Variants in CREB3L3 observed in about 807,000 individuals in gnomAD.
CREB3L3 encodes the protein cAMP responsive element binding protein 3 like 3, also known as cyclic AMP-responsive element-binding protein 3-like protein 3.
CREB3L3 carries 40 observed loss-of-function variants against 44.6 expected under a neutral mutation model. The ratio of observed to expected loss-of-function variants is 0.90; its 90% confidence interval spans 0.70 to 1.17. The LOEUF is 1.17. Among genes scored for constraint, CREB3L3 ranks in the 50% most tolerant of loss-of-function variants. CREB3L3 has a pLI of 0.00. For missense variants in CREB3L3, 578 were observed against 595.8 expected (o/e 0.97, Z 0.31); for synonymous variants, 273 against 256.3 (o/e 1.06, Z -0.62).
At chr19:4,164,229 T>C (rs749197604) in intron 4 of CREB3L3, among the ~76,000 whole-genome samples, 1 of 152,030 alleles carries the variant, frequency 6.6e-6, no homozygotes, top group South Asian at 2.1e-4. Context: ...CACCTCGGCC[T>C]CCCAAAGTGC....
At chr19:4,163,599 G>C (rs1038701733) in intron 4 of CREB3L3, among the ~76,000 whole-genome samples, 5 of 152,034 alleles carry the variant, frequency 3.3e-5, no homozygotes, top group Non-Finnish European at 7.4e-5. Context: ...TGCAACCCCT[G>C]CCTCCCGGGT....
intron 3 of CREB3L3, 148 bp from the exon 4 acceptor site, chr19:4,159,516 C>A (rs958889877): frequency 1.5e-6 from 1 of 677,854 alleles, no homozygotes; most frequent in Non-Finnish European, 2.7e-6. Context: ...TCAACTCAGG[C>A]CTTGGGGACT....
intron 1 of CREB3L3, 55 bp downstream of exon 1, chr19:4,153,829 C>G: frequency 6.3e-7 from 1 of 1,594,676 alleles, no homozygotes; most frequent in Non-Finnish European, 8.6e-7. Flanking sequence ...GAAAGCCTAC[C>G]CAAGCTGCCA....
At chr19:4,159,181 C>T (rs1599333703) in intron 3 of CREB3L3, among the ~76,000 whole-genome samples, 1 of 149,994 alleles carries the variant, frequency 6.7e-6, no homozygotes, top group East Asian at 2.0e-4. Context: ...GATGGAGTCT[C>T]GCTGTGTCAC....
chr19:4,157,380 G>C, intron 3 of CREB3L3, 85 bp downstream of exon 3: 2 of 1,476,888 alleles, frequency 1.4e-6, no homozygotes, highest in Admixed American at 3.4e-5. Flanking sequence ...CCCAGAGAGG[G>C]CTGGCATCTT....
intron 6 of CREB3L3, among the ~76,000 whole-genome samples, chr19:4,168,731 A>G (rs1364066204): frequency 6.6e-6 from 1 of 152,030 alleles, no homozygotes; most frequent in African/African-American, 2.4e-5. Context: ...CTGAAGATAG[A>G]CACTTCCTTT....
At chr19:4,164,375 TG>T in intron 4 of CREB3L3, 127 bp from the exon 5 acceptor site, 1 of 1,148,866 alleles carries the variant, frequency 8.7e-7, no homozygotes, top group Non-Finnish European at 1.3e-6. Context: ...CTCTAAGTGC[TG>T]GGATGACAGG....
At chr19:4,166,565 T>G (rs1383457874) in intron 5 of CREB3L3, among the ~76,000 whole-genome samples, 1 of 146,996 alleles carries the variant, frequency 6.8e-6, no homozygotes, top group Non-Finnish European at 1.5e-5. Flanking sequence ...CGCCCAGCAT[T>G]TTTTTTTTTC....
chr19:4,158,586 G>A (rs1438244269), intron 3 of CREB3L3, among the ~76,000 whole-genome samples: 1 of 152,020 alleles, frequency 6.6e-6, no homozygotes, highest in African/African-American at 2.4e-5. Flanking sequence ...CGGATCACGA[G>A]GTCAAGAGAT....
At position 4,153,745 on chromosome 19, in the gene CREB3L3, C is replaced by T. The variant is rs771183806; in HGVS notation, c.-3C>T. The T allele has an allele frequency of 1.4e-5, 23 of 1,613,942 alleles. No individual in the cohort carries two copies. In the East Asian group the frequency reaches 5.1e-4, roughly 36 times the overall value. On this transcript the variant is annotated 5_prime_UTR_variant, in exon 1 of 10. Transcript: ENST00000078445. ...GCATCTGCAGACAGAACTGGATGGA[C>T]CCATGAATACGGATTTAGCTGCTGG...
chr19:4,171,097 C>G lies in CREB3L3; in HGVS notation c.897C>G (p.Leu299=), dbSNP rs1041364646. Reference sequence around the variant, plus strand: ...GCCTGCCTGTCTCTCTAAGGTCCCTCTTGGAGCAACTGAAGAAACTCCAGG... The same window carrying G: ...GCCTGCCTGTCTCTCTAAGGTCCCTGTTGGAGCAACTGAAGAAACTCCAGG... ...VLHLEKQNLS[L]LEQLKKLQAI... Residue 299 remains leucine, a synonymous_variant, in exon 8 of 10, where the codon CTC becomes CTG. Coordinates refer to ENST00000078445, the MANE Select transcript of CREB3L3 (RefSeq NM_032607.3). The surrounding 1 kb of genome is among the most constrained non-coding windows in gnomAD (Gnocchi z 4.9). The G allele has an allele frequency of 6.2e-7, 1 of 1,613,818 alleles. No individual in the cohort carries two copies. Among genetic ancestry groups the G allele is most frequent in the African/African-American group, 1.3e-5 (1 of 74,922 alleles).
chr19:4,166,255 AT>A (rs1285989757), intron 5 of CREB3L3, among the ~76,000 whole-genome samples: 136 of 139,272 alleles, frequency 9.8e-4, no homozygotes, highest in Middle Eastern at 3.7e-3. Flanking sequence ...TGCCTAGCTA[AT>A]TTTTTTTTTT....
At chr19:4,157,387 T>G in intron 3 of CREB3L3, 92 bp downstream of exon 3, 1 of 1,435,378 alleles carries the variant, frequency 7.0e-7, no homozygotes, top group Non-Finnish European at 9.8e-7. Context: ...AGGGCTGGCA[T>G]CTTGTCCAAG....
At chr19:4,170,240 G>A in intron 7 of CREB3L3, 32 bp downstream of exon 7, 1 of 1,605,820 alleles carries the variant, frequency 6.2e-7, no homozygotes, top group African/African-American at 1.3e-5. Context: ...GCAGAGGACA[G>A]GGGAAGCAGC....
At position 4,153,660 on chromosome 19, in the gene CREB3L3, C is replaced by T; in HGVS notation, c.-88C>T. 1.9e-6 allele frequency: 3 copies of T among 1,542,852 alleles called. No individual in the cohort carries two copies. The highest frequency in any genetic ancestry group is 2.7e-6 in the Non-Finnish European group (3 of 1,120,494). The stretch of plus-strand genomic sequence containing the variant: ...GAGCCACAGAGGGCTGTGAGCTTGC[C>T]CGGCCCCAGGTAACGCTGGCGGTGG... On this transcript the variant is annotated 5_prime_UTR_variant, in exon 1 of 10. Transcript: ENST00000078445.
Position 4,171,080 on chromosome 19 carries a change from G to A in CREB3L3, c.891-11G>A, listed in dbSNP as rs532444630. 1.9e-6 allele frequency: 3 copies of A among 1,612,200 alleles called. No homozygotes were observed. In the East Asian group the frequency reaches 6.7e-5, roughly 36 times the overall value. On this transcript the variant is annotated splice_polypyrimidine_tract_variant and intron_variant, in intron 7 of 9. Coordinates refer to ENST00000078445, the MANE Select transcript of CREB3L3 (RefSeq NM_032607.3). The surrounding 1 kb of genome is among the most constrained non-coding windows in gnomAD (Gnocchi z 4.9). ...TTTAGGGCTCAGCGGAGGCCTGCCTGTCTCTCTAAGGTCCCTCTTGGAGCA... is the reference window on the plus strand; with the variant it reads ...TTTAGGGCTCAGCGGAGGCCTGCCTATCTCTCTAAGGTCCCTCTTGGAGCA...
chr19:4,158,163 C>T lies in CREB3L3; in HGVS notation c.457+868C>T, dbSNP rs536532300. Among the ~76,000 whole-genome samples, 4 of 152,158 alleles carry T rather than the reference C, an allele frequency of 2.6e-5. No individual in the cohort carries two copies. The South Asian group carries it at 8.3e-4, about 32-fold the overall frequency. ...TCTGGGTGGCCTTTGTCCCTTGACC[C>T]TTGCTATGAGCTCTTCTTGGTCCCA... On this transcript the variant is annotated intron_variant, in intron 3 of 9. Coordinates refer to ENST00000078445, the MANE Select transcript of CREB3L3 (RefSeq NM_032607.3).
intron 4 of CREB3L3, among the ~76,000 whole-genome samples, chr19:4,163,807 C>G (rs868720651): frequency 7.5e-6 from 1 of 134,222 alleles, no homozygotes; most frequent in Non-Finnish European, 1.6e-5. Context: ...GCCACCTTTT[C>G]TTTTTTTTTT....
rs748712780 is a variant in CREB3L3 at position 4,168,348 on chromosome 19, C to T, written c.715-3C>T. The T allele has an allele frequency of 4.4e-6, 7 of 1,606,366 alleles. No individual in the cohort carries two copies. Among genetic ancestry groups the T allele is most frequent in the Non-Finnish European group, 6.0e-6 (7 of 1,175,010 alleles). ...AAACCCTCCTCCCCATTTCACTTGG[C>T]AGTACGAGGAGCGAGTGCTGAAAAA... On this transcript the variant is annotated splice_polypyrimidine_tract_variant and splice_region_variant and intron_variant, in intron 5 of 9. Transcript: ENST00000078445.
Sources: gnomAD v4.1 joint callset for allele counts (sites outside exome capture counted in the v4.1 genomes callset) on GRCh38, gnomAD v4.1.1 for gene constraint, Gnocchi (gnomAD v3.1) non-coding constraint, MANE v1.5 for transcripts, NCBI Gene and HGNC (gene_info 2026-07-23, HGNC 2026-07-21) for gene names.